Variants in SLC45A2 observed in about 807,000 individuals in gnomAD.
The protein encoded by SLC45A2 is solute carrier family 45 member 2.
A neutral mutation model predicts 45.5 loss-of-function variants in SLC45A2; 36 were observed. The ratio of observed to expected loss-of-function variants is 0.79; its 90% CI spans 0.61 to 1.04. The LOEUF (loss-of-function observed/expected upper bound fraction) is 1.04. Ranked by LOEUF, SLC45A2 falls within the 50% of genes least tolerant of loss-of-function variation. SLC45A2 has a pLI of 0.00. For missense variants in SLC45A2, 719 were observed against 671.0 expected (o/e 1.07, Z -0.79); for synonymous variants, 306 against 269.3 (o/e 1.14, Z -1.33).
At position 33,946,513 on chromosome 5, in the gene SLC45A2, T is replaced by A. The variant is rs1027691736; in HGVS notation, c.1368+650A>T. On this transcript the variant is annotated intron_variant, in intron 6 of 6. Coordinates refer to ENST00000296589, the MANE Select transcript of SLC45A2 (RefSeq NM_016180.5). ...ATAAGAAGAGGTGGTAATTTTAGAG[T>A]GGAAACACCAACTCTGTTATAAGCA... is the stretch of plus-strand genomic sequence containing the variant. 5.1e-6 allele frequency: 5 copies of A among 985,372 alleles called. No individual in the cohort carries two copies. In the Admixed American group the frequency reaches 1.8e-4, roughly 36 times the overall value. 61.0% of individuals were successfully genotyped at this position (985,372 alleles called of 1,614,324 possible).
chr5:33,954,324 G>T, intron 4 of SLC45A2, 37 bp downstream of exon 4: 1 of 1,613,612 alleles, frequency 6.2e-7, no homozygotes, highest in Middle Eastern at 1.7e-4. Flanking sequence ...AGGAAATGAT[G>T]TGTAACAGTG....
chr5:33,944,635 T>A lies in SLC45A2; in HGVS notation c.*13A>T, dbSNP rs1751867826. 1 of 1,612,912 alleles carries A rather than the reference T, an allele frequency of 6.2e-7. No individual in the cohort carries two copies. The highest frequency in any genetic ancestry group is 8.5e-7 in the Non-Finnish European group (1 of 1,178,994). On this transcript the variant is annotated 3_prime_UTR_variant, in exon 7 of 7. Transcript: ENST00000296589. ...ACTGTCTCTGAGGTTAGGGTCATTG[T>A]CTCTTTATTGACCTAATCCACATAT...
chr5:33,953,740 C>T (rs1752187367), intron 4 of SLC45A2, among the ~76,000 whole-genome samples: 1 of 110,848 alleles, frequency 9.0e-6, no homozygotes, highest in Non-Finnish European at 1.8e-5. Context: ...GGACTAAATT[C>T]TGCAATTAAA....
At chr5:33,981,488 T>C (rs1753071282) in intron 2 of SLC45A2, among the ~76,000 whole-genome samples, 1 of 152,174 alleles carries the variant, frequency 6.6e-6, no homozygotes, top group African/African-American at 2.4e-5. Flanking sequence ...CTCTTAGATA[T>C]AAAAATCCTC....
chr5:33,963,090 A>T (rs548927732), intron 3 of SLC45A2, among the ~76,000 whole-genome samples: 3 of 152,200 alleles, frequency 2.0e-5, no homozygotes, highest in African/African-American at 7.2e-5. Context: ...TTTTATTTTT[A>T]TTTTAATTTA....
At position 33,949,310 on chromosome 5, in the gene SLC45A2, T is replaced by C. The variant is rs145764793; in HGVS notation, c.1157-1936A>G. Among the ~76,000 whole-genome samples the C allele has an allele frequency of 2.6e-4, 40 of 152,336 alleles. No homozygotes were observed. The East Asian group carries it at 4.4e-3, about 17-fold the overall frequency. ...TCTGGAAGGAAAGGAAAGGATTGAT[T>C]CTGCCCAGAGTGGGTTGAGGTGCAG... On this transcript the variant is annotated intron_variant, in intron 5 of 6. Transcript: ENST00000296589.
chr5:33,972,228 T>C, intron 2 of SLC45A2: 1 of 524,512 alleles, frequency 1.9e-6, no homozygotes, highest in South Asian at 1.4e-5. Context: ...GACAGAGAGA[T>C]TCAGAGAACT....
chr5:33,983,079 G>C (rs1579563261), intron 1 of SLC45A2, among the ~76,000 whole-genome samples: 2 of 152,194 alleles, frequency 1.3e-5, no homozygotes, highest in Non-Finnish European at 2.9e-5. Context: ...CCTGAAGGGG[G>C]CCCGAGAAAC....
chr5:33,944,870 C>T lies in SLC45A2; in HGVS notation c.1371G>A (p.Arg457=), dbSNP rs778133677. Residue 457 remains arginine, a splice_region_variant and synonymous_variant, in exon 7 of 7, where the codon AGG becomes AGA. Coordinates refer to ENST00000296589, the MANE Select transcript of SLC45A2 (RefSeq NM_016180.5). ...CTGGGTCCCCTCCTGGGGCCTGCTG[C>T]CTCTGCAAAGGAAGCACAGAACCAC... is the stretch of plus-strand genomic sequence containing the variant. The part of the protein sequence containing the change: ...TEYHREEEKE[R]QQAPGGDPDN... 12 of 1,610,648 alleles carry T rather than the reference C, an allele frequency of 7.5e-6. No individual in the cohort carries two copies. Among genetic ancestry groups the T allele is most frequent in the Non-Finnish European group, 8.5e-6 (10 of 1,178,574 alleles).
intron 2 of SLC45A2, among the ~76,000 whole-genome samples, chr5:33,967,685 A>C (rs1467898874): frequency 3.9e-5 from 6 of 151,934 alleles, no homozygotes; most frequent in African/African-American, 1.5e-4. Flanking sequence ...TAGGGAAATT[A>C]CTCCAAAAGT....
intron 2 of SLC45A2, among the ~76,000 whole-genome samples, chr5:33,970,140 G>A (rs1053974873): frequency 4.6e-5 from 7 of 152,174 alleles, no homozygotes; most frequent in South Asian, 2.1e-4. Context: ...AAACCTTCTC[G>A]GTCCCCACCT....
chr5:33,965,027 C>G (rs1313759247), intron 2 of SLC45A2, among the ~76,000 whole-genome samples: 4 of 152,172 alleles, frequency 2.6e-5, no homozygotes, highest in Non-Finnish European at 4.4e-5. Flanking sequence ...CTACATATGT[C>G]ACAAACTTAT....
chr5:33,956,734 T>TA (rs1371348687), intron 3 of SLC45A2, among the ~76,000 whole-genome samples: 1 of 152,080 alleles, frequency 6.6e-6, no homozygotes, highest in Non-Finnish European at 1.5e-5. Flanking sequence ...TTCCTAATCT[T>TA]AAAAAATCTA....
At chr5:33,948,384 A>G (rs1347657039) in intron 5 of SLC45A2, among the ~76,000 whole-genome samples, 1 of 152,240 alleles carries the variant, frequency 6.6e-6, no homozygotes, top group Non-Finnish European at 1.5e-5. Flanking sequence ...TTTAATCCAC[A>G]CATTCCTCAT....
chr5:33,982,967 G>A (rs1466613435), intron 1 of SLC45A2, among the ~76,000 whole-genome samples: 1 of 152,202 alleles, frequency 6.6e-6, no homozygotes, highest in Non-Finnish European at 1.5e-5. Flanking sequence ...GTAGTCAAAC[G>A]CAGTGCTTCT....
intron 3 of SLC45A2, among the ~76,000 whole-genome samples, chr5:33,960,268 A>G (rs955022117): frequency 3.6e-5 from 4 of 111,252 alleles, no homozygotes; most frequent in African/African-American, 1.4e-4. Flanking sequence ...TATTATGGAC[A>G]TTCATCTGAC....
intron 4 of SLC45A2, 57 bp downstream of exon 4, chr5:33,954,304 G>A (rs1752205326): frequency 6.2e-7 from 1 of 1,610,324 alleles, no homozygotes; most frequent in Non-Finnish European, 8.5e-7. Context: ...ACCTCAACAG[G>A]TGTTAATGGA....
intron 5 of SLC45A2, among the ~76,000 whole-genome samples, chr5:33,950,383 A>T (rs1489242287): frequency 6.6e-6 from 1 of 152,214 alleles, no homozygotes; most frequent in African/African-American, 2.4e-5. Flanking sequence ...GGAAGAAAAG[A>T]GTTTGCTAAA....
rs781035843 is a variant in SLC45A2 at position 33,963,948 on chromosome 5, A to C, written c.631T>G (p.Leu211Val). The change falls in exon 3 of 7, where the codon TTG (leucine) becomes GTG (valine). Residue 211 changes from leucine to valine, a missense_variant. Transcript: ENST00000296589. ...DWAHLELGRLLGTEFQVMFFF... is the reference protein window; with the variant it reads ...DWAHLELGRLVGTEFQVMFFF... ...AACATGACCTGGAATTCTGTACCCA[A>C]CAGTCTTCCCAGCTCCAGATGGGCC... 13 of 1,614,058 alleles carry C rather than the reference A, an allele frequency of 8.1e-6. No individual in the cohort carries two copies. The highest frequency in any genetic ancestry group is 1.1e-5 in the Non-Finnish European group (13 of 1,180,016).
Sources: gnomAD v4.1 joint callset for allele counts (sites outside exome capture counted in the v4.1 genomes callset) on GRCh38, gnomAD v4.1.1 for gene constraint, MANE v1.5 for transcripts, NCBI Gene and HGNC (gene_info 2026-07-23, HGNC 2026-07-21) for gene names.